Variants in MARCHF8 observed in about 807,000 individuals in gnomAD.
The protein encoded by MARCHF8 is E3 ubiquitin-protein ligase MARCHF8.
MARCHF8 carries 40 observed loss-of-function variants against 51.6 expected under a neutral mutation model. The observed-to-expected ratio is 0.77, with a 90% CI of 0.60 to 1.01. The LOEUF is 1.01. Among genes scored for constraint, MARCHF8 ranks in the 50% least tolerant of loss-of-function variants. The probability of loss-of-function intolerance (pLI) is 0.00; values close to 1 mark genes in which losing one functional copy is unlikely to be tolerated. For synonymous variants in MARCHF8, 263 were observed against 280.3 expected, an observed-to-expected ratio of 0.94 and a Z score of 0.62; for missense variants, 685 against 708.6, an observed-to-expected ratio of 0.97 and a Z score of 0.38.
chr10:45,464,725 C>G (rs557892961), intron 3 of MARCHF8, among the ~76,000 whole-genome samples: 1 of 152,306 alleles, frequency 6.6e-6, no homozygotes, highest in South Asian at 2.1e-4. Context: ...TCTCCTAGTT[C>G]CCAAGATCAA....
intron 2 of MARCHF8, among the ~76,000 whole-genome samples, chr10:45,512,572 C>T (rs993566433): frequency 2.0e-5 from 3 of 148,638 alleles, no homozygotes; most frequent in Non-Finnish European, 3.0e-5. Flanking sequence ...CCCCTCTGCC[C>T]GGCCAGCCGC....
intron 2 of MARCHF8, among the ~76,000 whole-genome samples, chr10:45,506,799 T>C (rs1003167263): frequency 3.3e-5 from 5 of 152,208 alleles, no homozygotes; most frequent in African/African-American, 9.6e-5. Context: ...GGCAGTTTTA[T>C]AGGATTTGGG....
chr10:45,533,906 G>A (rs998652838), intron 1 of MARCHF8, among the ~76,000 whole-genome samples: 24 of 152,306 alleles, frequency 1.6e-4, no homozygotes, highest in African/African-American at 5.3e-4. Context: ...TAAATGGGCC[G>A]GGTGCGGTGG....
chr10:45,537,601 C>T (rs1230963275), upstream of MARCHF8, among the ~76,000 whole-genome samples: 2 of 150,382 alleles, frequency 1.3e-5, no homozygotes, highest in African/African-American at 2.5e-5. Context: ...TACAGTGAGC[C>T]GGTATGGCGC....
intron 3 of MARCHF8, among the ~76,000 whole-genome samples, chr10:45,477,403 C>A (rs1170385228): frequency 6.6e-6 from 1 of 152,086 alleles, no homozygotes; most frequent in African/African-American, 2.4e-5. Flanking sequence ...AAGTATAAAA[C>A]CTACTGGTAG....
chr10:45,472,537 G>C (rs1387134524), intron 3 of MARCHF8, among the ~76,000 whole-genome samples: 5 of 152,152 alleles, frequency 3.3e-5, no homozygotes, highest in African/African-American at 1.2e-4. Context: ...TGCTATATTA[G>C]AACATCTTAA....
At chr10:45,550,020 C>A (rs966261055) in intron 1 of MARCHF8, among the ~76,000 whole-genome samples, 2 of 152,196 alleles carry the variant, frequency 1.3e-5, no homozygotes, top group Non-Finnish European at 2.9e-5. Context: ...AGTCATACTG[C>A]AAACAGGCAG....
At chr10:45,504,506 T>C (rs1321126181) in intron 2 of MARCHF8, among the ~76,000 whole-genome samples, 1 of 145,032 alleles carries the variant, frequency 6.9e-6, no homozygotes, top group Non-Finnish European at 1.5e-5. Flanking sequence ...ATACACCTTG[T>C]TTTTTCTCCA....
At chr10:45,529,604 A>C (rs2043845150) in intron 2 of MARCHF8, among the ~76,000 whole-genome samples, 1 of 152,260 alleles carries the variant, frequency 6.6e-6, no homozygotes, top group Non-Finnish European at 1.5e-5. Flanking sequence ...GACTCTACAA[A>C]GAACTCAACA....
At chr10:45,474,606 AGAG>A (rs2042753371) in intron 3 of MARCHF8, among the ~76,000 whole-genome samples, 1 of 152,212 alleles carries the variant, frequency 6.6e-6, no homozygotes, top group Non-Finnish European at 1.5e-5. Context: ...ATCAAAATCT[AGAG>A]GAGGGGCTTC....
At chr10:45,473,569 C>T (rs958390673) in intron 3 of MARCHF8, among the ~76,000 whole-genome samples, 1 of 152,154 alleles carries the variant, frequency 6.6e-6, no homozygotes, top group Non-Finnish European at 1.5e-5. Context: ...CTATGTACTG[C>T]CCTTTTTGCA....
At chr10:45,502,617 T>C (rs190174113) in intron 2 of MARCHF8, among the ~76,000 whole-genome samples, 70 of 152,248 alleles carry the variant, frequency 4.6e-4, no homozygotes, top group African/African-American at 1.4e-3. Context: ...CAGGAAACCC[T>C]CAAGGCCAGT....
intron 3 of MARCHF8, among the ~76,000 whole-genome samples, chr10:45,482,760 A>C (rs1039710914): frequency 7.1e-6 from 1 of 141,756 alleles, no homozygotes; most frequent in Non-Finnish European, 1.6e-5. Context: ...ATCTCAAAAA[A>C]CAAACAAACA....
At chr10:45,477,328 A>C (rs1176861689) in intron 3 of MARCHF8, among the ~76,000 whole-genome samples, 2 of 152,220 alleles carry the variant, frequency 1.3e-5, no homozygotes, top group Non-Finnish European at 2.9e-5. Context: ...TCCTATAAGA[A>C]ATGCTTAAGG....
intron 1 of MARCHF8, among the ~76,000 whole-genome samples, chr10:45,542,385 A>T (rs1171028224): frequency 1.4e-5 from 2 of 147,816 alleles, no homozygotes; most frequent in Non-Finnish European, 3.0e-5. Flanking sequence ...TTGATTGAAC[A>T]CCCTGGGGCC....
At chr10:45,562,063 G>A (rs2044317320) in intron 1 of MARCHF8, among the ~76,000 whole-genome samples, 1 of 152,110 alleles carries the variant, frequency 6.6e-6, no homozygotes, top group African/African-American at 2.4e-5. Context: ...CACAGCTAAG[G>A]AGAGATTACC....
chr10:45,501,557 G>A (rs2043279844), intron 2 of MARCHF8, among the ~76,000 whole-genome samples: 1 of 152,068 alleles, frequency 6.6e-6, no homozygotes, highest in Non-Finnish European at 1.5e-5. Flanking sequence ...TAAAAAATAG[G>A]AGAAAATCTT....
intron 1 of MARCHF8, among the ~76,000 whole-genome samples, chr10:45,546,149 T>TATTC (rs2044118761): frequency 6.6e-6 from 1 of 150,974 alleles, no homozygotes; most frequent in Non-Finnish European, 1.5e-5. Context: ...TTTATTTATT[T>TATTC]ATTTATTTAT....
At chr10:45,538,371 T>A (rs1318615700), upstream of MARCHF8, among the ~76,000 whole-genome samples, 1 of 152,106 alleles carries the variant, frequency 6.6e-6, no homozygotes, top group East Asian at 1.9e-4. Context: ...CATGCCAAAT[T>A]GTAAAGACCA....
Sources: allele counts gnomAD v4.1 joint callset (sites outside exome capture counted in the v4.1 genomes callset), GRCh38; gene constraint gnomAD v4.1.1; transcripts MANE v1.5; gene names NCBI Gene and HGNC (gene_info 2026-07-23, HGNC 2026-07-21).